The following KCNK1 variants were observed in gnomAD, a reference collection of about 807,000 sequenced individuals.
KCNK1 encodes the protein potassium two pore domain channel subfamily K member 1, also known as potassium channel subfamily K member 1.
A neutral mutation model predicts 22.2 loss-of-function variants in KCNK1; 10 were observed. The ratio of observed to expected loss-of-function variants is 0.45; its 90% CI spans 0.28 to 0.76. The LOEUF is 0.76. Ranked by LOEUF, KCNK1 falls within the 30% of genes least tolerant of loss-of-function variation. The pLI is 0.14. For synonymous variants in KCNK1, 200 were observed against 186.4 expected (o/e 1.07, Z -0.60); for missense variants, 378 against 421.0 (o/e 0.90, Z 0.89).
intron 1 of KCNK1, among the ~76,000 whole-genome samples, chr1:233,638,521 A>G (rs1023471812): frequency 2.0e-5 from 3 of 152,038 alleles, no homozygotes; most frequent in African/African-American, 7.2e-5. Context: ...GGAGCACTGC[A>G]GGGTAAACTG....
chr1:233,635,044 T>TGGAC (rs1210124252), intron 1 of KCNK1, among the ~76,000 whole-genome samples: 2 of 152,238 alleles, frequency 1.3e-5, no homozygotes, highest in African/African-American at 4.8e-5. Context: ...GTCCAACCTA[T>TGGAC]GGACCGCTTA....
intron 1 of KCNK1, among the ~76,000 whole-genome samples, chr1:233,621,697 A>G (rs138571769): frequency 2.2e-4 from 34 of 152,262 alleles, no homozygotes; most frequent in African/African-American, 6.7e-4. Context: ...TGTCTATAAA[A>G]CATACCAGTT....
At chr1:233,623,427 G>A (rs902704153) in intron 1 of KCNK1, among the ~76,000 whole-genome samples, 3 of 152,078 alleles carry the variant, frequency 2.0e-5, no homozygotes, top group South Asian at 2.1e-4. Flanking sequence ...TAAAAGAAAG[G>A]TATTAAATGT....
At chr1:233,624,605 T>C (rs1657653046) in intron 1 of KCNK1, among the ~76,000 whole-genome samples, 1 of 152,178 alleles carries the variant, frequency 6.6e-6, no homozygotes, top group Admixed American at 6.5e-5. Context: ...AATCTGTGCC[T>C]TTTCTGAAAA....
chr1:233,630,200 G>C (rs890585648), intron 1 of KCNK1, among the ~76,000 whole-genome samples: 5 of 152,140 alleles, frequency 3.3e-5, no homozygotes, highest in African/African-American at 1.2e-4. Flanking sequence ...AGTTACAAAT[G>C]GGTACTTCTA....
chr1:233,657,666 GA>G (rs1261221074), intron 1 of KCNK1, among the ~76,000 whole-genome samples: 1 of 149,412 alleles, frequency 6.7e-6, no homozygotes, highest in Non-Finnish European at 1.5e-5. Context: ...AAAGACGAAA[GA>G]AAAGAAAGAA....
intron 1 of KCNK1, among the ~76,000 whole-genome samples, chr1:233,644,216 C>T (rs1658051044): frequency 6.6e-6 from 1 of 152,258 alleles, no homozygotes; most frequent in Non-Finnish European, 1.5e-5. Flanking sequence ...CAGCTTTAAC[C>T]TATTAATGAG....
intron 1 of KCNK1, among the ~76,000 whole-genome samples, chr1:233,615,477 A>G (rs191038546): frequency 6.6e-6 from 1 of 152,318 alleles, no homozygotes; most frequent in Admixed American, 6.5e-5. Flanking sequence ...CAGAGTGGAG[A>G]TATCAATTGG....
intron 1 of KCNK1, among the ~76,000 whole-genome samples, chr1:233,619,934 G>A (rs1327810669): frequency 1.4e-5 from 2 of 138,918 alleles, no homozygotes; most frequent in Non-Finnish European, 3.2e-5. Context: ...CGGGGGGGCG[G>A]GGGGGCAGGG....
rs1558115228 is a variant in KCNK1 at position 233,646,711 on chromosome 1, C to T, written c.356-19884C>T. ...CGGGAAACAGACAGAAATTCTTGAA[C>T]TGGGAGGTAGCAGTGAGAATGTGGC... is the stretch of plus-strand genomic sequence containing the variant. On this transcript the variant is annotated intron_variant, in intron 1 of 2. Transcript: ENST00000366621. Among the ~76,000 whole-genome samples, 3 of 152,012 alleles carry T rather than the reference C, an allele frequency of 2.0e-5. No homozygotes were observed. The South Asian group carries it at 6.2e-4, about 32-fold the overall frequency.
chr1:233,669,000 T>C (rs966042004), intron 2 of KCNK1, among the ~76,000 whole-genome samples: 2 of 152,202 alleles, frequency 1.3e-5, no homozygotes, highest in Non-Finnish European at 2.9e-5. Flanking sequence ...TTGTGACTCA[T>C]AGAACATAAT....
chr1:233,618,611 C>T (rs918161112), intron 1 of KCNK1, among the ~76,000 whole-genome samples: 27 of 152,158 alleles, frequency 1.8e-4, no homozygotes, highest in African/African-American at 6.5e-4. Context: ...TTTGCCCAGG[C>T]GCGGTGGCTC....
chr1:233,664,908 G>A (rs1300532024), intron 1 of KCNK1, among the ~76,000 whole-genome samples: 2 of 151,666 alleles, frequency 1.3e-5, no homozygotes, highest in African/African-American at 4.8e-5. Context: ...TAAAAAAAAT[G>A]TATTTAGCTG....
At chr1:233,648,575 C>A (rs1249442889) in intron 1 of KCNK1, among the ~76,000 whole-genome samples, 3 of 144,278 alleles carry the variant, frequency 2.1e-5, no homozygotes, top group Non-Finnish European at 4.6e-5. Context: ...TTTTTTTTTT[C>A]TTCCCTTGAG....
chr1:233,650,809 A>C (rs909195479), intron 1 of KCNK1, among the ~76,000 whole-genome samples: 1 of 151,828 alleles, frequency 6.6e-6, no homozygotes, highest in African/African-American at 2.4e-5. Context: ...AAAAAAAAAA[A>C]AAAACTGTTG....
At chr1:233,660,138 ATATACT>A (rs1658366635) in intron 1 of KCNK1, among the ~76,000 whole-genome samples, 1 of 152,258 alleles carries the variant, frequency 6.6e-6, no homozygotes, top group African/African-American at 2.4e-5. Flanking sequence ...TACAATGAAA[ATATACT>A]TATATATTGA....
intron 1 of KCNK1, among the ~76,000 whole-genome samples, chr1:233,665,704 A>G (rs950753791): frequency 1.3e-5 from 2 of 152,386 alleles, no homozygotes; most frequent in African/African-American, 4.8e-5. Context: ...CTTCCCGGCA[A>G]ATGCCAAGTG....
Position 233,619,902 on chromosome 1 carries a change from T to G in KCNK1, c.355+5376T>G, listed in dbSNP as rs1657548786. 9.6e-5 allele frequency among the ~76,000 whole-genome samples: 11 copies of G among 114,610 alleles called. No individual in the cohort carries two copies. In the South Asian group the frequency reaches 3.2e-3, roughly 33 times the overall value. The allele number at this position is 114,610 out of a possible 152,430, so 75.2% of individuals were successfully genotyped here. A position where few individuals can be genotyped will look rare whatever the true frequency, so the allele number is the denominator to read the frequency against. On this transcript the variant is annotated intron_variant, in intron 1 of 2. Coordinates refer to ENST00000366621, the MANE Select transcript of KCNK1 (RefSeq NM_002245.4). ...ACCAACCTGGGCAGCAGAGCGAGAC[T>G]CCTCCGTCTAAGCGAGGGGGGCGGG...
At chr1:233,645,065 G>C (rs900075996) in intron 1 of KCNK1, among the ~76,000 whole-genome samples, 1 of 150,762 alleles carries the variant, frequency 6.6e-6, no homozygotes, top group African/African-American at 2.4e-5. Context: ...GTGGTGGCGG[G>C]CGCCTGTAGT....
Sources: allele counts gnomAD v4.1 joint callset (sites outside exome capture counted in the v4.1 genomes callset), GRCh38; gene constraint gnomAD v4.1.1; transcripts MANE v1.5; gene names NCBI Gene and HGNC (gene_info 2026-07-23, HGNC 2026-07-21).